Variants in PRRX1 observed in about 807,000 individuals in gnomAD.
PRRX1 encodes paired related homeobox 1.
A neutral mutation model predicts 24.0 loss-of-function variants in PRRX1; 8 were observed. The ratio of observed to expected loss-of-function variants is 0.33; its 90% CI spans 0.20 to 0.60. The LOEUF (loss-of-function observed/expected upper bound fraction) is 0.60. PRRX1 is among the 20% of genes least tolerant of loss of function. The pLI is 0.82. For synonymous variants in PRRX1, 160 were observed against 131.7 expected (o/e 1.22, Z -1.47); for missense variants, 281 against 322.4 (o/e 0.87, Z 0.98).
chr1:170,714,789 G>A (rs1002031198), intron 1 of PRRX1, among the ~76,000 whole-genome samples: 1 of 152,174 alleles, frequency 6.6e-6, no homozygotes, highest in Non-Finnish European at 1.5e-5. Flanking sequence ...GGCAACTTCA[G>A]CAGCCACATG....
At chr1:170,682,585 C>G (rs1653590365) in intron 1 of PRRX1, among the ~76,000 whole-genome samples, 1 of 152,044 alleles carries the variant, frequency 6.6e-6, no homozygotes, top group African/African-American at 2.4e-5. Flanking sequence ...GACTTCCATG[C>G]CCATCTCTTT....
chr1:170,696,632 C>T (rs1654180556), intron 1 of PRRX1, among the ~76,000 whole-genome samples: 1 of 152,050 alleles, frequency 6.6e-6, no homozygotes, highest in African/African-American at 2.4e-5. Flanking sequence ...GTAGGAAAAC[C>T]TATAAAATTT....
intron 1 of PRRX1, among the ~76,000 whole-genome samples, chr1:170,711,321 T>G (rs1404662917): frequency 6.6e-6 from 1 of 152,208 alleles, no homozygotes; most frequent in Non-Finnish European, 1.5e-5. Flanking sequence ...TATTGTGGCT[T>G]TCTCTGCTAT....
chr1:170,726,557 A>T, intron 3 of PRRX1, 156 bp downstream of exon 3: 1 of 904,168 alleles, frequency 1.1e-6, no homozygotes, highest in Non-Finnish European at 1.7e-6. Context: ...TTCCCAGGAG[A>T]TTATAAGCTG....
intron 1 of PRRX1, among the ~76,000 whole-genome samples, chr1:170,701,407 T>C (rs1654355322): frequency 6.6e-6 from 1 of 152,184 alleles, no homozygotes; most frequent in African/African-American, 2.4e-5. Context: ...GAACTCTGAA[T>C]TGTGATTTGT....
intron 1 of PRRX1, among the ~76,000 whole-genome samples, chr1:170,716,011 A>C (rs1032773549): frequency 6.6e-6 from 1 of 152,184 alleles, no homozygotes; most frequent in African/African-American, 2.4e-5. Context: ...GGAGGTCCCA[A>C]GTCCGCATTG....
intron 2 of PRRX1, 79 bp downstream of exon 2, chr1:170,719,980 A>G: frequency 6.4e-7 from 1 of 1,554,504 alleles, no homozygotes; most frequent in Admixed American, 1.7e-5. Flanking sequence ...TAAAAACACA[A>G]ATTATAGCCC....
chr1:170,738,037 C>G lies in PRRX1; in HGVS notation c.*1851C>G, dbSNP rs1655679185. Reference sequence around the variant, plus strand: ...GAAATGAGAAATAGGTTTATATTTTCAGATCTCTCAAAAATCACATCATTT... The same window carrying G: ...GAAATGAGAAATAGGTTTATATTTTGAGATCTCTCAAAAATCACATCATTT... On this transcript the variant is annotated 3_prime_UTR_variant, in exon 4 of 4. Transcript: ENST00000239461. 1 of 217,112 alleles carries G rather than the reference C, an allele frequency of 4.6e-6. No individual in the cohort carries two copies. Among genetic ancestry groups the G allele is most frequent in the Non-Finnish European group, 9.3e-6 (1 of 107,630 alleles). 13.4% of individuals were successfully genotyped at this position (217,112 alleles called of 1,614,324 possible).
rs35075394 is a variant in PRRX1 at position 170,666,417 on chromosome 1, C to CAAAAAAA, written c.241+1975_241+1981dup. 3.9e-3 allele frequency among the ~76,000 whole-genome samples: 295 copies of CAAAAAAA among 75,900 alleles called. 13 individuals carry two copies. Among genetic ancestry groups the CAAAAAAA allele is most frequent in the Non-Finnish European group, 5.2e-3 (212 of 40,610 alleles). The allele number at this position is 75,900 out of a possible 152,430, so 49.8% of individuals were successfully genotyped here. ...TGGATGACAGAGTGAGACTCCGTCT[C>CAAAAAAA]AAAAAAAAAAAAAAAAAAAAAAAGT... On this transcript the variant is annotated intron_variant, in intron 1 of 3. Transcript: ENST00000239461.
chr1:170,662,804 T>C (rs1303188703), upstream of PRRX1: 1 of 151,818 alleles, frequency 6.6e-6, no homozygotes, highest in Non-Finnish European at 1.5e-5. Context: ...TGGTGGTGGA[T>C]TTTTTCCAAA....
rs761985508 is a variant in PRRX1 at position 170,719,815 on chromosome 1, C to T, written c.331C>T (p.Arg111Cys). ...FNSSQLQALERVFERTHYPDA... is the reference protein window; with the variant it reads ...FNSSQLQALECVFERTHYPDA... Reference sequence around the variant, plus strand: ...TAGCAGCCAGCTGCAGGCTTTGGAGCGTGTCTTTGAGCGGACACACTATCC... The same window carrying T: ...TAGCAGCCAGCTGCAGGCTTTGGAGTGTGTCTTTGAGCGGACACACTATCC... Residue 111 changes from arginine to cysteine, a missense_variant, in exon 2 of 4, where the codon CGT becomes TGT. Coordinates refer to ENST00000239461, the MANE Select transcript of PRRX1 (RefSeq NM_022716.4). 13 of 1,614,044 alleles carry T rather than the reference C, an allele frequency of 8.1e-6. No homozygotes were observed. The highest frequency in any genetic ancestry group is 1.1e-5 in the South Asian group (1 of 91,088).
At chr1:170,679,782 A>C (rs1653448591) in intron 1 of PRRX1, among the ~76,000 whole-genome samples, 1 of 152,188 alleles carries the variant, frequency 6.6e-6, no homozygotes. Context: ...TGTGTCAAAG[A>C]AGTGGCAACT....
intron 1 of PRRX1, among the ~76,000 whole-genome samples, chr1:170,684,966 G>A (rs944648458): frequency 6.6e-6 from 1 of 152,178 alleles, no homozygotes; most frequent in Non-Finnish European, 1.5e-5. Context: ...ACCATGCAGA[G>A]AAGTTTAGTA....
At chr1:170,732,337 T>C (rs971373887) in intron 3 of PRRX1, among the ~76,000 whole-genome samples, 1 of 152,170 alleles carries the variant, frequency 6.6e-6, no homozygotes, top group Admixed American at 6.5e-5. Flanking sequence ...ACAAACAATT[T>C]CATATTGGCA....
intron 1 of PRRX1, among the ~76,000 whole-genome samples, chr1:170,702,485 T>C (rs1019384914): frequency 6.6e-6 from 1 of 152,176 alleles, no homozygotes; most frequent in Non-Finnish European, 1.5e-5. Context: ...GAGTTGGCAG[T>C]GCTGTACAAT....
At chr1:170,684,912 G>A (rs1190827921) in intron 1 of PRRX1, among the ~76,000 whole-genome samples, 1 of 152,206 alleles carries the variant, frequency 6.6e-6, no homozygotes, top group African/African-American at 2.4e-5. Context: ...CAAAGGATAA[G>A]TTATAATCAG....
At chr1:170,692,654 G>A (rs914726032) in intron 1 of PRRX1, among the ~76,000 whole-genome samples, 2 of 149,618 alleles carry the variant, frequency 1.3e-5, no homozygotes, top group East Asian at 3.9e-4. Context: ...ATTAAAATGG[G>A]TCAAATAGAG....
At chr1:170,688,216 T>C (rs1487834863) in intron 1 of PRRX1, among the ~76,000 whole-genome samples, 1 of 152,022 alleles carries the variant, frequency 6.6e-6, no homozygotes, top group Non-Finnish European at 1.5e-5. Flanking sequence ...GAAAGCAGTA[T>C]AAAATAAGAA....
At chr1:170,674,224 G>A (rs12024275) in intron 1 of PRRX1, among the ~76,000 whole-genome samples, 26,542 of 151,776 alleles carry the variant, frequency 0.17, 2,699 homozygotes, top group South Asian at 0.37. Flanking sequence ...ACACGTGTGC[G>A]CGCTTGCGCA....
Sources: allele counts gnomAD v4.1 joint callset (sites outside exome capture counted in the v4.1 genomes callset), GRCh38; gene constraint gnomAD v4.1.1; transcripts MANE v1.5; gene names NCBI Gene and HGNC (gene_info 2026-07-23, HGNC 2026-07-21).